The following HOMER2 variants were observed in gnomAD, a reference collection of about 807,000 sequenced individuals.
HOMER2 encodes the protein homer scaffold protein 2.
In HOMER2, 27 loss-of-function variants were observed where a neutral mutation model predicts 47.0. That is an observed-to-expected ratio of 0.57 (90% CI 0.42 to 0.79). The LOEUF (loss-of-function observed/expected upper bound fraction) is 0.79, where lower values mean the gene tolerates loss of function less well. HOMER2 is among the 30% of genes least tolerant of loss of function. The pLI is 0.00. For missense variants in HOMER2, 443 were observed against 435.0 expected, an observed-to-expected ratio of 1.02 and a Z score of -0.16; for synonymous variants, 161 against 163.8, an observed-to-expected ratio of 0.98 and a Z score of 0.13.
intron 1 of HOMER2, among the ~76,000 whole-genome samples, chr15:82,921,348 CATCTT>C (rs2053723724): frequency 6.6e-6 from 1 of 152,174 alleles, no homozygotes; most frequent in African/African-American, 2.4e-5. Flanking sequence ...CTTCTCCTGT[CATCTT>C]ATCTGATGAG....
intron 3 of HOMER2, among the ~76,000 whole-genome samples, chr15:82,869,584 A>C (rs1439050132): frequency 6.8e-6 from 1 of 147,848 alleles, no homozygotes; most frequent in African/African-American, 2.5e-5. Context: ...CAGCCTCCCA[A>C]GTAGCTGGGA....
chr15:82,935,614 CA>C (rs1376526933), intron 1 of HOMER2, among the ~76,000 whole-genome samples: 5 of 152,170 alleles, frequency 3.3e-5, no homozygotes, highest in Non-Finnish European at 5.9e-5. Flanking sequence ...TTGACTCCCA[CA>C]CCCCCATCCT....
chr15:82,896,608 G>C (rs910339996), intron 1 of HOMER2, among the ~76,000 whole-genome samples: 8 of 152,202 alleles, frequency 5.3e-5, no homozygotes, highest in African/African-American at 1.9e-4. Context: ...CCTGGGAGGG[G>C]TACTGCAGGG....
In HOMER2 at chr15:82,920,846, C is replaced by CTTA. The variant is rs1844782708; in HGVS notation, c.6-28006_6-28005insTAA. Among the ~76,000 whole-genome samples the CTTA allele has an allele frequency of 2.2e-4, 30 of 135,852 alleles. No individual in the cohort carries two copies. The South Asian group carries it at 7.4e-3, about 33-fold the overall frequency. The allele number at this position is 135,852 out of a possible 152,430, so 89.1% of individuals were successfully genotyped here. A position where few individuals can be genotyped will look rare whatever the true frequency, so the allele number is the denominator to read the frequency against. On this transcript the variant is annotated intron_variant, in intron 1 of 8. Transcript: ENST00000450735. ...CCTACCACTCTGGGGGTAAAACAAT[C>CTTA]TTTTTTTTTTTTTTTTTTAAGACAC...
intron 1 of HOMER2, among the ~76,000 whole-genome samples, chr15:82,963,712 G>GA (rs2054650140): frequency 6.6e-6 from 1 of 152,206 alleles, no homozygotes; most frequent in African/African-American, 2.4e-5. Flanking sequence ...AAGAGGGGCT[G>GA]ACCTAGCTGC....
At chr15:82,867,241 G>A (rs1011209918) in intron 3 of HOMER2, among the ~76,000 whole-genome samples, 1 of 151,974 alleles carries the variant, frequency 6.6e-6, no homozygotes, top group Non-Finnish European at 1.5e-5. Context: ...AAACAGAACT[G>A]AGCATGTATC....
At chr15:82,874,456 A>C (rs2052278955) in intron 3 of HOMER2, among the ~76,000 whole-genome samples, 2 of 152,212 alleles carry the variant, frequency 1.3e-5, no homozygotes, top group South Asian at 2.1e-4. Flanking sequence ...CAGCCCCTTT[A>C]AACTGCTGAG....
rs2051971638 is a variant in HOMER2 at position 82,866,477 on chromosome 15, A to C, written c.295-2218T>G. ...TTTTGAGTTAATGCTGAAATGAGTT[A>C]AGACCTTGGGAGACTGTTGGGAAGG... On this transcript the variant is annotated intron_variant, in intron 3 of 8. Coordinates refer to ENST00000450735, the MANE Select transcript of HOMER2 (RefSeq NM_004839.4). Among the ~76,000 whole-genome samples, 3 of 152,318 alleles carry C rather than the reference A, an allele frequency of 2.0e-5. No individual in the cohort carries two copies. In the South Asian group the frequency reaches 6.2e-4, roughly 32 times the overall value.
intron 1 of HOMER2, among the ~76,000 whole-genome samples, chr15:82,936,766 G>A (rs1206474647): frequency 6.6e-6 from 1 of 150,638 alleles, no homozygotes; most frequent in Non-Finnish European, 1.5e-5. Flanking sequence ...TTTTTGAGAT[G>A]GGGTTTCTCC....
At chr15:82,954,694 A>G (rs188922110), upstream of HOMER2, among the ~76,000 whole-genome samples, 6 of 152,180 alleles carry the variant, frequency 3.9e-5, no homozygotes, top group East Asian at 9.7e-4. Context: ...GTCTATAGGT[A>G]TATCGATATA....
At chr15:82,880,681 G>T (rs2052493826) in intron 2 of HOMER2, among the ~76,000 whole-genome samples, 1 of 152,298 alleles carries the variant, frequency 6.6e-6, no homozygotes, top group South Asian at 2.1e-4. Flanking sequence ...ATTGTGTTAG[G>T]GACCGAGGAG....
At chr15:82,904,427 G>C (rs1349812517) in intron 1 of HOMER2, among the ~76,000 whole-genome samples, 1 of 152,156 alleles carries the variant, frequency 6.6e-6, no homozygotes, top group Non-Finnish European at 1.5e-5. Flanking sequence ...ACTGTCTTCA[G>C]TTTTACTTCC....
chr15:82,986,141 C>T (rs569092916), upstream of HOMER2: 4 of 984,440 alleles, frequency 4.1e-6, no homozygotes, highest in South Asian at 1.9e-4. Flanking sequence ...AAGCGATCCA[C>T]ACGGAGAGCC....
At chr15:82,910,367 A>G (rs1336982392) in intron 1 of HOMER2, among the ~76,000 whole-genome samples, 2 of 152,142 alleles carry the variant, frequency 1.3e-5, no homozygotes, top group African/African-American at 4.8e-5. Context: ...CGAGGAGTCC[A>G]GTGGGGTGAG....
intron 1 of HOMER2, among the ~76,000 whole-genome samples, chr15:82,978,554 A>G (rs1388012288): frequency 6.6e-6 from 1 of 152,148 alleles, no homozygotes; most frequent in African/African-American, 2.4e-5. Flanking sequence ...TGATATGGGT[A>G]TGCATTTAGT....
intron 4 of HOMER2, among the ~76,000 whole-genome samples, chr15:82,861,529 G>C (rs1199023879): frequency 2.0e-5 from 3 of 152,136 alleles, no homozygotes; most frequent in African/African-American, 2.4e-5. Context: ...CTTCTTTATA[G>C]TATGGTATAT....
Position 82,898,978 on chromosome 15 carries a change from T to G in HOMER2, c.6-6137A>C, listed in dbSNP as rs148898965. Among the ~76,000 whole-genome samples the G allele has an allele frequency of 8.2e-3, 1,255 of 152,264 alleles. 11 individuals carry two copies. The highest frequency in any genetic ancestry group is 0.011 in the Non-Finnish European group (742 of 68,016). On this transcript the variant is annotated intron_variant, in intron 1 of 8. Transcript: ENST00000450735. ...CTAATTAGTTTGTATCTGTCTTGAG[T>G]CTTAAACCCCTCCAAACACCATCTA...
chr15:82,882,839 G>A (rs1380325716), intron 2 of HOMER2, among the ~76,000 whole-genome samples: 1 of 96,154 alleles, frequency 1.0e-5, no homozygotes, highest in African/African-American at 5.3e-5. Context: ...CTGATGTGGC[G>A]TTTGCTCAAA....
At chr15:82,903,465 A>T (rs1377899203) in intron 1 of HOMER2, among the ~76,000 whole-genome samples, 1 of 152,066 alleles carries the variant, frequency 6.6e-6, no homozygotes, top group East Asian at 1.9e-4. Context: ...ATACAAAAAA[A>T]AATTAGCCAG....
Sources: allele counts gnomAD v4.1 joint callset (sites outside exome capture counted in the v4.1 genomes callset), GRCh38; gene constraint gnomAD v4.1.1; transcripts MANE v1.5; gene names NCBI Gene and HGNC (gene_info 2026-07-23, HGNC 2026-07-21).